TBL1XR1: variants seen among roughly 807,000 people sequenced by gnomAD.
The protein encoded by TBL1XR1 is TBL1X/Y related 1, also known as F-box-like/WD repeat-containing protein TBL1XR1.
Under a neutral mutation model 66.9 loss-of-function variants are expected in TBL1XR1, and 5 were observed. That is an observed-to-expected ratio of 0.07 (90% CI 0.04 to 0.16). TBL1XR1 has a LOEUF of 0.16. TBL1XR1 is among the 10% of genes least tolerant of loss of function. The pLI, the probability that TBL1XR1 is intolerant of heterozygous loss-of-function variation, is 1.00. For synonymous variants in TBL1XR1, 210 were observed against 206.0 expected (o/e 1.02, Z -0.17); for missense variants, 238 against 623.2 (o/e 0.38, Z 6.58).
chr3:177,201,140 C>T (rs1321126067), upstream of TBL1XR1, among the ~76,000 whole-genome samples: 1 of 150,604 alleles, frequency 6.6e-6, no homozygotes, highest in African/African-American at 2.4e-5. Context: ...TTGCCGGGTG[C>T]AGTGGCTCAC....
chr3:177,188,923 T>TTTG, intron 1 of TBL1XR1, among the ~76,000 whole-genome samples: 1 of 152,246 alleles, frequency 6.6e-6, no homozygotes, highest in South Asian at 2.1e-4. Context: ...TATTAAAAAT[T>TTTG]TTGGGCGGGT....
intron 1 of TBL1XR1, chr3:177,195,594 T>C (rs1010255824): frequency 3.3e-5 from 5 of 151,906 alleles, no homozygotes; most frequent in African/African-American, 4.8e-5. Flanking sequence ...CGAAATTATT[T>C]ATTCCAAGTT....
At chr3:177,038,043 G>C (rs1258099240) in intron 12 of TBL1XR1, 55 bp downstream of exon 12, 2 of 1,526,894 alleles carry the variant, frequency 1.3e-6, no homozygotes, top group African/African-American at 2.7e-5. Flanking sequence ...AAAATGGCCA[G>C]AGCAACCATA....
intron 1 of TBL1XR1, among the ~76,000 whole-genome samples, chr3:177,112,097 ATATATATATATT>A (rs1442507535): frequency 2.0e-3 from 99 of 50,006 alleles, no homozygotes; most frequent in African/African-American, 0.011. Flanking sequence ...ATATATATAT[ATATATATATATT>A]TTTTTTTTTT....
At position 177,085,726 on chromosome 3, in the gene TBL1XR1, T is replaced by C. The variant is rs563769502; in HGVS notation, c.-46+12740A>G. On this transcript the variant is annotated intron_variant, in intron 2 of 15. Coordinates refer to ENST00000457928, the MANE Select transcript of TBL1XR1 (RefSeq NM_024665.7). ...TATAGATGACAATAAAATTCTGTTT[T>C]AATAAAAGAAAATTTTCCCAAAATA... 3.3e-4 allele frequency among the ~76,000 whole-genome samples: 51 copies of C among 152,298 alleles called. No homozygotes were observed. The Middle Eastern group carries it at 0.01, about 30-fold the overall frequency.
At chr3:177,137,135 G>GA (rs1179656710) in intron 1 of TBL1XR1, among the ~76,000 whole-genome samples, 1 of 152,200 alleles carries the variant, frequency 6.6e-6, no homozygotes, top group Non-Finnish European at 1.5e-5. Context: ...GTTATGGGGG[G>GA]GGAAAGATGA....
intron 2 of TBL1XR1, among the ~76,000 whole-genome samples, chr3:177,065,600 T>C (rs1004686583): frequency 2.3e-4 from 35 of 152,294 alleles, no homozygotes; most frequent in Middle Eastern, 6.8e-3. Context: ...AATGATGCTT[T>C]CTTACTGGAC....
chr3:177,129,523 G>A (rs1347265231), intron 1 of TBL1XR1, among the ~76,000 whole-genome samples: 1 of 152,122 alleles, frequency 6.6e-6, no homozygotes, highest in African/African-American at 2.4e-5. Flanking sequence ...ATGTTTATAT[G>A]AAACACAAGA....
intron 2 of TBL1XR1, among the ~76,000 whole-genome samples, chr3:177,066,575 A>T (rs1719192992): frequency 1.3e-5 from 2 of 152,212 alleles, no homozygotes; most frequent in South Asian, 4.1e-4. Flanking sequence ...TCCATTAAAC[A>T]GTTTCAGGAA....
intron 1 of TBL1XR1, among the ~76,000 whole-genome samples, chr3:177,135,619 T>C (rs1728905878): frequency 6.6e-6 from 1 of 150,732 alleles, no homozygotes; most frequent in African/African-American, 2.4e-5. Flanking sequence ...CCTGACCTCG[T>C]GATCCGCCCG....
intron 1 of TBL1XR1, among the ~76,000 whole-genome samples, chr3:177,175,148 TTTTAGTA>T (rs1287682630): frequency 7.9e-5 from 12 of 152,346 alleles, no homozygotes; most frequent in African/African-American, 2.2e-4. Context: ...CTGAAACTTA[TTTTAGTA>T]TTTAGAAGAT....
At chr3:177,059,719 TGATTG>T (rs1411116468) in intron 3 of TBL1XR1, among the ~76,000 whole-genome samples, 2 of 152,078 alleles carry the variant, frequency 1.3e-5, no homozygotes, top group East Asian at 1.9e-4. Flanking sequence ...ATTGTCAACT[TGATTG>T]GATTGAAGGA....
chr3:177,145,906 T>C (rs1487049176), intron 1 of TBL1XR1, among the ~76,000 whole-genome samples: 1 of 152,236 alleles, frequency 6.6e-6, no homozygotes, highest in African/African-American at 2.4e-5. Context: ...GTAGTTTTTA[T>C]CAGGAAGTCT....
intron 2 of TBL1XR1, among the ~76,000 whole-genome samples, chr3:177,068,383 T>A (rs1027091224): frequency 6.6e-6 from 1 of 152,132 alleles, no homozygotes; most frequent in Non-Finnish European, 1.5e-5. Context: ...CAAAAGCAAA[T>A]CCAAAATTAG....
intron 1 of TBL1XR1, among the ~76,000 whole-genome samples, chr3:177,185,425 A>G (rs566601099): frequency 8.5e-5 from 13 of 152,292 alleles, no homozygotes; most frequent in African/African-American, 3.1e-4. Context: ...CCTGGCCAAC[A>G]TGGCGAAACC....
chr3:177,034,148 G>A, intron 13 of TBL1XR1, 50 bp downstream of exon 13: 1 of 1,535,624 alleles, frequency 6.5e-7, no homozygotes, highest in South Asian at 1.3e-5. Context: ...TCTATTGGAA[G>A]TCTGATTTGT....
At chr3:177,135,368 TA>T (rs1728859109) in intron 1 of TBL1XR1, among the ~76,000 whole-genome samples, 1 of 31,930 alleles carries the variant, frequency 3.1e-5, no homozygotes, top group African/African-American at 1.9e-4. Context: ...TATATATATA[TA>T]TATATATATA....
chr3:177,142,405 G>A (rs1050195586), intron 1 of TBL1XR1, among the ~76,000 whole-genome samples: 1 of 152,162 alleles, frequency 6.6e-6, no homozygotes, highest in African/African-American at 2.4e-5. Context: ...TCTAGAAGTG[G>A]GGTAACGTCT....
intron 1 of TBL1XR1, among the ~76,000 whole-genome samples, chr3:177,142,570 T>C (rs1729755632): frequency 6.6e-6 from 1 of 152,174 alleles, no homozygotes; most frequent in East Asian, 1.9e-4. Context: ...AAGCCCCAAC[T>C]CTGGAGTCAA....
Sources: gnomAD v4.1 joint callset for allele counts (sites outside exome capture counted in the v4.1 genomes callset) on GRCh38, gnomAD v4.1.1 for gene constraint, MANE v1.5 for transcripts, NCBI Gene and HGNC (gene_info 2026-07-23, HGNC 2026-07-21) for gene names.